The following ADAMTSL1 variants were observed in gnomAD, a reference collection of about 807,000 sequenced individuals.
ADAMTSL1 encodes ADAMTS like 1, also known as ADAMTS-like protein 1.
ADAMTSL1 carries 126 observed loss-of-function variants against 201.8 expected under a neutral mutation model. The ratio of observed to expected loss-of-function variants is 0.62; its 90% CI spans 0.54 to 0.72. The LOEUF (loss-of-function observed/expected upper bound fraction) is 0.72. Ranked by LOEUF, ADAMTSL1 falls within the 30% of genes least tolerant of loss-of-function variation. The probability of loss-of-function intolerance (pLI) is 0.00; values close to 1 mark genes in which losing one functional copy is unlikely to be tolerated. For synonymous variants in ADAMTSL1, 1,121 were observed against 903.4 expected, an observed-to-expected ratio of 1.24 and a Z score of -4.32; for missense variants, 2,679 against 2,277.8, an observed-to-expected ratio of 1.18 and a Z score of -3.59.
intron 2 of ADAMTSL1, among the ~76,000 whole-genome samples, chr9:18,257,882 A>G (rs72684974): frequency 0.039 from 5,927 of 152,354 alleles, 159 homozygotes; most frequent in Non-Finnish European, 0.063. Context: ...ATACTATGTG[A>G]TTCCAATTAT....
chr9:18,222,745 A>G (rs540416450), intron 2 of ADAMTSL1, among the ~76,000 whole-genome samples: 52 of 144,456 alleles, frequency 3.6e-4, no homozygotes, highest in African/African-American at 1.3e-3. Flanking sequence ...TTTGTTTATT[A>G]TGTATAGAAA....
At chr9:18,687,428 A>G (rs1830905027) in intron 13 of ADAMTSL1, among the ~76,000 whole-genome samples, 2 of 152,196 alleles carry the variant, frequency 1.3e-5, no homozygotes, top group African/African-American at 4.8e-5. Context: ...ACACTGCTTA[A>G]ATTAAATGGT....
In ADAMTSL1 at chr9:18,141,770, G is replaced by T. The variant is rs117348248; in HGVS notation, c.88-22092G>T. ...CATCTCCTGCACATCACATACTCCT[G>T]TAGATCTTGTCACTGACTCTTTCAC... On this transcript the variant is annotated intron_variant, in intron 1 of 29. Transcript: ENST00000680146. Among the ~76,000 whole-genome samples the T allele has an allele frequency of 5.2e-3, 799 of 152,278 alleles. 9 individuals are homozygous for T. The highest frequency in any genetic ancestry group is 0.017 in the Middle Eastern group (5 of 294).
intron 2 of ADAMTSL1, among the ~76,000 whole-genome samples, chr9:18,512,918 T>G (rs1394718523): frequency 6.6e-6 from 1 of 152,196 alleles, no homozygotes; most frequent in East Asian, 1.9e-4. Flanking sequence ...CAATCTGTGC[T>G]TCAACTAAAG....
At chr9:18,180,281 C>T (rs1190569142) in intron 2 of ADAMTSL1, among the ~76,000 whole-genome samples, 1 of 152,166 alleles carries the variant, frequency 6.6e-6, no homozygotes, top group African/African-American at 2.4e-5. Context: ...CGCCTGTAAT[C>T]CCAGCACTTT....
At chr9:18,602,461 A>C (rs1448462942) in intron 4 of ADAMTSL1, among the ~76,000 whole-genome samples, 1 of 152,242 alleles carries the variant, frequency 6.6e-6, no homozygotes, top group African/African-American at 2.4e-5. Context: ...TGTCTTGCAC[A>C]GTACCAGCAC....
intron 2 of ADAMTSL1, among the ~76,000 whole-genome samples, chr9:18,224,080 A>C (rs887284868): frequency 6.6e-6 from 1 of 152,046 alleles, no homozygotes; most frequent in Admixed American, 6.6e-5. Context: ...GAACATGCCC[A>C]GTCCTTAGAA....
intron 1 of ADAMTSL1, among the ~76,000 whole-genome samples, chr9:17,971,527 CAGAG>C (rs151256674): frequency 0.045 from 6,775 of 151,956 alleles, 221 homozygotes; most frequent in Non-Finnish European, 0.059. Context: ...AAACGTTTCA[CAGAG>C]AGAACAATCA....
At chr9:17,951,395 T>C (rs1366662840) in intron 1 of ADAMTSL1, among the ~76,000 whole-genome samples, 2 of 152,182 alleles carry the variant, frequency 1.3e-5, no homozygotes, top group African/African-American at 4.8e-5. Flanking sequence ...TAAAATTTTC[T>C]GCATATTGCC....
intron 7 of ADAMTSL1, among the ~76,000 whole-genome samples, chr9:18,650,060 G>A (rs1231524025): frequency 6.6e-6 from 1 of 152,350 alleles, no homozygotes; most frequent in South Asian, 2.1e-4. Context: ...CGAGCTTCCA[G>A]GCTGCTTTGT....
At chr9:18,646,119 G>C (rs1417507049) in intron 7 of ADAMTSL1, among the ~76,000 whole-genome samples, 1 of 151,674 alleles carries the variant, frequency 6.6e-6, no homozygotes, top group African/African-American at 2.4e-5. Context: ...CTTGTAAGTT[G>C]GATTCCTAGG....
intron 2 of ADAMTSL1, among the ~76,000 whole-genome samples, chr9:18,279,484 C>G (rs1832704130): frequency 6.6e-6 from 1 of 151,564 alleles, no homozygotes; most frequent in Non-Finnish European, 1.5e-5. Flanking sequence ...CTGTGATCCT[C>G]TGACCTTGCT....
chr9:18,267,201 C>A (rs1832152944), intron 2 of ADAMTSL1, among the ~76,000 whole-genome samples: 1 of 152,134 alleles, frequency 6.6e-6, no homozygotes. Context: ...CTCCCAAAGC[C>A]AAGTTAGTTG....
intron 2 of ADAMTSL1, among the ~76,000 whole-genome samples, chr9:18,240,340 TC>T (rs951112552): frequency 6.5e-5 from 7 of 108,018 alleles, no homozygotes; most frequent in African/African-American, 3.1e-4. Flanking sequence ...TTAAAATGAA[TC>T]TTTTTTTTTT....
chr9:17,919,984 T>C (rs1319243893), intron 1 of ADAMTSL1, among the ~76,000 whole-genome samples: 2 of 152,134 alleles, frequency 1.3e-5, no homozygotes, highest in East Asian at 1.9e-4. Context: ...CTATCACTTA[T>C]TAGTATCTGA....
intron 23 of ADAMTSL1, among the ~76,000 whole-genome samples, chr9:18,862,862 A>G (rs183961355): frequency 2.0e-4 from 30 of 152,288 alleles, no homozygotes; most frequent in Non-Finnish European, 3.2e-4. Flanking sequence ...TAAACCCAGA[A>G]AGTTGAAACT....
chr9:18,691,089 T>C (rs1053110584), intron 13 of ADAMTSL1, among the ~76,000 whole-genome samples: 1 of 152,226 alleles, frequency 6.6e-6, no homozygotes, highest in Non-Finnish European at 1.5e-5. Context: ...AGAAATGAGC[T>C]AGCTGTCTTT....
At chr9:18,101,169 C>A (rs1358871889) in intron 1 of ADAMTSL1, among the ~76,000 whole-genome samples, 3 of 151,964 alleles carry the variant, frequency 2.0e-5, no homozygotes, top group African/African-American at 7.3e-5. Context: ...AAAGTAGATT[C>A]TAATTTAAAT....
chr9:18,265,073 A>G lies in ADAMTSL1; in HGVS notation c.207+101092A>G, dbSNP rs114026684. On this transcript the variant is annotated intron_variant, in intron 2 of 29. Transcript: ENST00000680146. ...CACTGGTGTTAGTCATAGCCACAGG[A>G]ATAGTATTTTCTAATAATGTTTTAG... Among the ~76,000 whole-genome samples, 1,450 of 152,286 alleles carry G rather than the reference A, an allele frequency of 9.5e-3. 24 individuals are homozygous for G. Among genetic ancestry groups the G allele is most frequent in the African/African-American group, 0.034 (1,399 of 41,556 alleles).
Sources: gnomAD v4.1 joint callset for allele counts (sites outside exome capture counted in the v4.1 genomes callset) on GRCh38, gnomAD v4.1.1 for gene constraint, MANE v1.5 for transcripts, NCBI Gene and HGNC (gene_info 2026-07-23, HGNC 2026-07-21) for gene names.